ITGB8: variants seen among roughly 807,000 people sequenced by gnomAD.
ITGB8 encodes the protein integrin beta-8.
In ITGB8, 30 loss-of-function variants were observed where a neutral mutation model predicts 89.5. That is an observed-to-expected ratio of 0.34 (90% confidence interval 0.25 to 0.45). The LOEUF (loss-of-function observed/expected upper bound fraction) is 0.45. Among genes scored for constraint, ITGB8 ranks in the 20% least tolerant of loss-of-function variants. The pLI, the probability that ITGB8 is intolerant of heterozygous loss-of-function variation, is 1.00. For synonymous variants in ITGB8, 335 were observed against 320.4 expected (o/e 1.05, Z -0.49); for missense variants, 836 against 933.3 (o/e 0.90, Z 1.36).
intron 1 of ITGB8, among the ~76,000 whole-genome samples, chr7:20,358,155 C>T (rs942807003): frequency 2.6e-5 from 4 of 151,798 alleles, no homozygotes; most frequent in South Asian, 4.2e-4. Flanking sequence ...TTAGTAGAGA[C>T]GGGGTTTCAC....
At chr7:20,371,657 G>A (rs1785939170) in intron 3 of ITGB8, among the ~76,000 whole-genome samples, 1 of 152,144 alleles carries the variant, frequency 6.6e-6, no homozygotes, top group Non-Finnish European at 1.5e-5. Flanking sequence ...GTATAACAAA[G>A]TCCAAGTGAA....
intron 3 of ITGB8, among the ~76,000 whole-genome samples, chr7:20,376,836 T>A (rs1264807673): frequency 6.6e-6 from 1 of 152,206 alleles, no homozygotes; most frequent in Non-Finnish European, 1.5e-5. Flanking sequence ...AAATACTCTT[T>A]TCCTCTTTAT....
chr7:20,412,415 G>T lies in ITGB8; in HGVS notation c.*2418G>T, dbSNP rs1787794838. ...CTCCAAAAGAAAAAAGTGTAAGATA[G>T]CCATTAAGATGATGACAATTTTTGA... On this transcript the variant is annotated 3_prime_UTR_variant, in exon 14 of 14. Coordinates refer to ENST00000222573, the MANE Select transcript of ITGB8 (RefSeq NM_002214.3). The T allele has an allele frequency of 6.6e-6, 1 of 152,442 alleles. No individual in the cohort carries two copies. The highest frequency in any genetic ancestry group is 1.5e-5 in the Non-Finnish European group (1 of 68,024). The allele number at this position is 152,442 out of a possible 1,614,324, so 9.4% of individuals were successfully genotyped here. A position where few individuals can be genotyped will look rare whatever the true frequency, so the allele number is the denominator to read the frequency against.
At position 20,379,040 on chromosome 7, in the gene ITGB8, TATTG is replaced by T; in HGVS notation, c.389-9_389-6del. On this transcript the variant is annotated splice_polypyrimidine_tract_variant and splice_region_variant and intron_variant, in intron 3 of 13. Transcript: ENST00000222573. ...TGAAGACTACATGATGTTTTTCTTC[TATTG>T]AACTAGGAGCCGAAGCTAATTTTAT... 1.3e-6 allele frequency: 2 copies of T among 1,565,406 alleles called. No individual in the cohort carries two copies. Among genetic ancestry groups the T allele is most frequent in the Non-Finnish European group, 1.7e-6 (2 of 1,158,688 alleles).
chr7:20,351,714 A>G (rs965578579), intron 1 of ITGB8, among the ~76,000 whole-genome samples: 1 of 152,254 alleles, frequency 6.6e-6, no homozygotes, highest in African/African-American at 2.4e-5. Context: ...ACTTAGCACT[A>G]AATCTCTTAC....
chr7:20,391,541 G>A, intron 7 of ITGB8, 43 bp downstream of exon 7: 1 of 1,044,978 alleles, frequency 9.6e-7, no homozygotes, highest in Non-Finnish European at 1.4e-6. Context: ...TTTTTTCATT[G>A]GTAATTGAAA....
At chr7:20,366,737 C>G (rs1443813184) in intron 2 of ITGB8, 4 of 306,808 alleles carry the variant, frequency 1.3e-5, no homozygotes, top group South Asian at 8.0e-5. Context: ...TGCACTCCAG[C>G]CTGGATCAGG....
intron 1 of ITGB8, among the ~76,000 whole-genome samples, chr7:20,360,254 T>G (rs1785447923): frequency 6.6e-6 from 1 of 152,032 alleles, no homozygotes; most frequent in Non-Finnish European, 1.5e-5. Context: ...AACTAGGTAC[T>G]AGGTTAACTT....
chr7:20,404,574 C>T, intron 10 of ITGB8, 54 bp from the exon 11 acceptor site: 1 of 1,488,864 alleles, frequency 6.7e-7, no homozygotes, highest in South Asian at 1.2e-5. Flanking sequence ...GTTGAAAACT[C>T]TTTACAAAGT....
intron 1 of ITGB8, among the ~76,000 whole-genome samples, chr7:20,362,332 T>C (rs970191308): frequency 7.2e-5 from 11 of 152,226 alleles, no homozygotes; most frequent in Admixed American, 2.0e-4. Context: ...CCATGTGTGA[T>C]TGGGCACATA....
rs1009350568 is a variant in ITGB8, at chr7:20,368,396, C to T, written c.388+1210C>T. On this transcript the variant is annotated intron_variant, in intron 3 of 13. Transcript: ENST00000222573. ...TCGTACACCTAATTCCAGTTGAATACATCCACTAAACTCTGCCCTTAGATA... is the reference window on the plus strand; with the variant it reads ...TCGTACACCTAATTCCAGTTGAATATATCCACTAAACTCTGCCCTTAGATA... 1.6e-4 allele frequency among the ~76,000 whole-genome samples: 24 copies of T among 152,182 alleles called. 1 individual carries two copies.
rs1228794906 is a variant in ITGB8, at chr7:20,363,690, C to A, written c.181C>A (p.Leu61Met). 2 of 1,605,580 alleles carry A rather than the reference C, an allele frequency of 1.2e-6. No individual in the cohort carries two copies. Among genetic ancestry groups the A allele is most frequent in the Admixed American group, 3.5e-5 (2 of 57,714 alleles). Reference sequence around the variant, plus strand: ...AGCATCCTGTGCCAGGTGCCTTGCGCTGGGTCCAGAATGTGGATGGTGTGT... The same window carrying A: ...AGCATCCTGTGCCAGGTGCCTTGCGATGGGTCCAGAATGTGGATGGTGTGT... ...NAASCARCLA[L>M]GPECGWCVQE... The change falls in exon 2 of 14, where the codon CTG (leucine) becomes ATG (methionine). Residue 61 changes from leucine to methionine, a missense_variant. This residue lies in a region of ITGB8 where 182 missense variants were observed against 177.0 expected (regional missense o/e 1.03). Coordinates refer to ENST00000222573, the MANE Select transcript of ITGB8 (RefSeq NM_002214.3).
In ITGB8 at chr7:20,411,884, T is replaced by G. The variant is rs973062815; in HGVS notation, c.*1887T>G. On this transcript the variant is annotated 3_prime_UTR_variant, in exon 14 of 14. Transcript: ENST00000222573. The stretch of plus-strand genomic sequence containing the variant: ...ACCTTGATACACGGGCCATGAGCCC[T>G]GTCTTCCCCAATGGAAATTTATTTA... 1.3e-5 allele frequency: 2 copies of G among 152,456 alleles called. No homozygotes were observed. Among genetic ancestry groups the G allele is most frequent in the Non-Finnish European group, 2.9e-5 (2 of 68,058 alleles). The allele number at this position is 152,456 out of a possible 1,614,324, so 9.4% of individuals were successfully genotyped here.
In ITGB8 at chr7:20,409,754, T is replaced by C; in HGVS notation, c.2163T>C (p.Asp721=). ...WNSNKIKSSS[D]YRVSASKKDK... is the part of the protein sequence containing the mutation. ...GTAATAAAATTAAGTCCTCATCAGA[T>C]TACAGAGTGTCAGCCTCAAAAAAGG... Residue 721 remains aspartate, a synonymous_variant, in exon 13 of 14, where the codon GAT becomes GAC. Coordinates refer to ENST00000222573, the MANE Select transcript of ITGB8 (RefSeq NM_002214.3). The C allele has an allele frequency of 6.2e-7, 1 of 1,613,126 alleles. No individual in the cohort carries two copies. Among genetic ancestry groups the C allele is most frequent in the Non-Finnish European group, 8.5e-7 (1 of 1,179,498 alleles).
At chr7:20,370,591 A>ACTTT (rs1481323107) in intron 3 of ITGB8, among the ~76,000 whole-genome samples, 7 of 109,838 alleles carry the variant, frequency 6.4e-5, no homozygotes, top group African/African-American at 2.6e-4. Flanking sequence ...TTATTTATTT[A>ACTTT]TTTACTTATT....
At chr7:20,363,871 A>C (rs1583492845) in intron 2 of ITGB8, 149 bp downstream of exon 2, 1 of 451,612 alleles carries the variant, frequency 2.2e-6, no homozygotes. Flanking sequence ...TTATGCTTGG[A>C]AACAGCATAT....
Position 20,410,155 on chromosome 7 carries a change from T to C in ITGB8, c.*158T>C, listed in dbSNP as rs532340316. The C allele has an allele frequency of 1.4e-6, 1 of 693,662 alleles. No individual in the cohort carries two copies. The highest frequency in any genetic ancestry group is 1.8e-5 in the African/African-American group (1 of 55,416). 43.0% of individuals were successfully genotyped at this position (693,662 alleles called of 1,614,324 possible). On this transcript the variant is annotated 3_prime_UTR_variant, in exon 14 of 14. Coordinates refer to ENST00000222573, the MANE Select transcript of ITGB8 (RefSeq NM_002214.3). ...AGACTGACAAGTATCCTCATCATGA[T>C]GTGACTCACATAGCTGCTGACTTTT...
At chr7:20,373,311 A>G (rs1786010424) in intron 3 of ITGB8, among the ~76,000 whole-genome samples, 1 of 152,180 alleles carries the variant, frequency 6.6e-6, no homozygotes, top group Non-Finnish European at 1.5e-5. Flanking sequence ...ATGGAAAATG[A>G]TAACAGAAAT....
At chr7:20,331,966 C>T in intron 1 of ITGB8, 33 bp downstream of exon 1, 1 of 1,608,816 alleles carries the variant, frequency 6.2e-7, no homozygotes, top group Non-Finnish European at 8.5e-7. Flanking sequence ...GTTTTCTTCT[C>T]TTCCCCAAAG....
Sources: allele counts gnomAD v4.1 joint callset (sites outside exome capture counted in the v4.1 genomes callset), GRCh38; gene constraint gnomAD v4.1.1; regional missense constraint gnomAD v4.1.1; transcripts MANE v1.5; gene names NCBI Gene and HGNC (gene_info 2026-07-23, HGNC 2026-07-21).